The following LDLRAD4 variants were observed in gnomAD, a reference collection of about 807,000 sequenced individuals.
LDLRAD4 encodes low density lipoprotein receptor class A domain containing 4, also known as low-density lipoprotein receptor class A domain-containing protein 4.
LDLRAD4 carries 5 observed loss-of-function variants against 17.0 expected under a neutral mutation model. That is an observed-to-expected ratio of 0.29 (90% CI 0.15 to 0.62). LDLRAD4 has a LOEUF of 0.62. Among genes scored for constraint, LDLRAD4 ranks in the 20% least tolerant of loss-of-function variants. LDLRAD4 has a pLI of 0.84. For missense variants in LDLRAD4, 340 were observed against 424.7 expected (o/e 0.80, Z 1.75); for synonymous variants, 168 against 171.8 (o/e 0.98, Z 0.17).
In LDLRAD4 at chr18:13,532,611, C is replaced by A. The variant is rs115841018; in HGVS notation, c.182-88506C>A. On this transcript the variant is annotated intron_variant, in intron 3 of 5. Transcript: ENST00000359446. Reference sequence around the variant, plus strand: ...TTAAACAACTGGGCAGCTAGATGACCTCAGTAACCAGTCTCGTCTCAGCCC... The same window carrying A: ...TTAAACAACTGGGCAGCTAGATGACATCAGTAACCAGTCTCGTCTCAGCCC... Among the ~76,000 whole-genome samples the A allele has an allele frequency of 7.5e-3, 1,146 of 152,292 alleles. 19 individuals carry two copies. The highest frequency in any genetic ancestry group is 0.026 in the African/African-American group (1,083 of 41,544).
chr18:13,226,390 G>T (rs1274387084), intron 1 of LDLRAD4, among the ~76,000 whole-genome samples: 1 of 151,492 alleles, frequency 6.6e-6, no homozygotes, highest in African/African-American at 2.4e-5. Context: ...GACTTTTAAG[G>T]GTCCTCCAAA....
rs2040770428 is a variant in LDLRAD4, at chr18:13,622,758, A to C, written c.336+1487A>C. ...GAGGACAGGGAGAAAATCTCATCAC[A>C]GCAGCAGTTTCAGAACCGCAGAAGG... On this transcript the variant is annotated intron_variant, in intron 4 of 5. Coordinates refer to ENST00000359446, the Ensembl canonical transcript of LDLRAD4. This position sits in a 1 kb window ranked among gnomAD's most constrained non-coding sequence, Gnocchi z 5.3. 6.6e-6 allele frequency among the ~76,000 whole-genome samples: 1 copy of C among 152,230 alleles called. No individual in the cohort carries two copies. The highest frequency in any genetic ancestry group is 1.5e-5 in the Non-Finnish European group (1 of 68,028).
intron 3 of LDLRAD4, among the ~76,000 whole-genome samples, chr18:13,455,683 A>T (rs916002661): frequency 2.0e-5 from 3 of 152,122 alleles, no homozygotes; most frequent in African/African-American, 7.2e-5. Context: ...AGAGCTGTGC[A>T]TCTGGCTTCC....
chr18:13,554,617 T>G (rs1442038753), intron 3 of LDLRAD4, among the ~76,000 whole-genome samples: 1 of 152,212 alleles, frequency 6.6e-6, no homozygotes, highest in African/African-American at 2.4e-5. Flanking sequence ...ATCTTCACAA[T>G]TTTTTGCTAC....
At chr18:13,280,363 A>G (rs910968317) in intron 1 of LDLRAD4, among the ~76,000 whole-genome samples, 1 of 152,218 alleles carries the variant, frequency 6.6e-6, no homozygotes, top group Non-Finnish European at 1.5e-5. Flanking sequence ...ATCTCATGGA[A>G]TTACTTTGAA....
At chr18:13,425,896 A>T (rs1415680296) in intron 2 of LDLRAD4, 2 of 152,634 alleles carry the variant, frequency 1.3e-5, no homozygotes, top group African/African-American at 4.8e-5. Flanking sequence ...TGGGGACAGA[A>T]GGGAGGCTGG....
chr18:13,610,057 A>G (rs1019877147), intron 3 of LDLRAD4, among the ~76,000 whole-genome samples: 1 of 152,190 alleles, frequency 6.6e-6, no homozygotes, highest in Non-Finnish European at 1.5e-5. Context: ...AGCCAAACAC[A>G]GTAAGTGTGT....
chr18:13,254,992 ATTC>A (rs2043425458), intron 1 of LDLRAD4, among the ~76,000 whole-genome samples: 1 of 152,206 alleles, frequency 6.6e-6, no homozygotes, highest in Non-Finnish European at 1.5e-5. Context: ...GAAAAACCCA[ATTC>A]TTCTTGTTTA....
intron 3 of LDLRAD4, among the ~76,000 whole-genome samples, chr18:13,552,840 C>T (rs777013309): frequency 3.9e-5 from 6 of 152,132 alleles, no homozygotes; most frequent in Non-Finnish European, 8.8e-5. Flanking sequence ...TAGGGATCTC[C>T]TTTGCCTGGC....
intron 2 of LDLRAD4, chr18:13,420,125 CA>C (rs1158783477): frequency 6.6e-6 from 1 of 152,212 alleles, no homozygotes; most frequent in African/African-American, 2.4e-5. Context: ...TTCACATCTC[CA>C]TTTTTCACAA....
chr18:13,445,943 A>G (rs1001715973), intron 3 of LDLRAD4, among the ~76,000 whole-genome samples: 2 of 152,118 alleles, frequency 1.3e-5, no homozygotes, highest in African/African-American at 4.8e-5. Flanking sequence ...CGATTTTCTC[A>G]TTTATAAAAT....
chr18:13,600,799 A>T (rs553305528), intron 3 of LDLRAD4, among the ~76,000 whole-genome samples: 3 of 152,330 alleles, frequency 2.0e-5, no homozygotes, highest in Admixed American at 6.5e-5. Flanking sequence ...AAATTTTTTT[A>T]AAATTACTTT....
intron 3 of LDLRAD4, among the ~76,000 whole-genome samples, chr18:13,505,843 CA>C (rs71366058): frequency 0.072 from 10,891 of 151,878 alleles, 626 homozygotes; most frequent in African/African-American, 0.16. Context: ...AAAACAAAAA[CA>C]AAACACTAGC....
intron 1 of LDLRAD4, among the ~76,000 whole-genome samples, chr18:13,226,104 G>A (rs750764674): frequency 1.0e-4 from 15 of 146,280 alleles, no homozygotes; most frequent in South Asian, 2.2e-4. Flanking sequence ...CATTGCAACC[G>A]CCATTTCTCA....
chr18:13,372,174 G>C (rs765115931), intron 1 of LDLRAD4, among the ~76,000 whole-genome samples: 2 of 152,252 alleles, frequency 1.3e-5, no homozygotes, highest in African/African-American at 4.8e-5. Flanking sequence ...CCCTTGCCAG[G>C]CATGCCATCA....
At chr18:13,473,263 G>A (rs1257625281) in intron 3 of LDLRAD4, among the ~76,000 whole-genome samples, 1 of 152,166 alleles carries the variant, frequency 6.6e-6, no homozygotes, top group Non-Finnish European at 1.5e-5. Flanking sequence ...GAAAGAGCAC[G>A]TGGCCTGGAT....
intron 1 of LDLRAD4, among the ~76,000 whole-genome samples, chr18:13,370,718 T>TTTTTTTTGTTTGTTTG: frequency 7.0e-6 from 1 of 143,240 alleles, no homozygotes; most frequent in African/African-American, 2.7e-5. Flanking sequence ...GTTTTGTTTT[T>TTTTTTTTGTTTGTTTG]TTTTTTTTTT....
chr18:13,383,560 G>A (rs1343643890), intron 1 of LDLRAD4, among the ~76,000 whole-genome samples: 2 of 152,228 alleles, frequency 1.3e-5, no homozygotes, highest in African/African-American at 4.8e-5. Context: ...CGGCCGGCAA[G>A]CAGCGTTTGT....
At chr18:13,419,021 G>A (rs1326419945) in intron 2 of LDLRAD4, among the ~76,000 whole-genome samples, 4 of 152,154 alleles carry the variant, frequency 2.6e-5, no homozygotes, top group East Asian at 1.9e-4. Context: ...GAAAACTTGC[G>A]GTGAGTGCTT....
Sources: gnomAD v4.1 joint callset for allele counts (sites outside exome capture counted in the v4.1 genomes callset) on GRCh38, gnomAD v4.1.1 for gene constraint, Gnocchi (gnomAD v3.1) non-coding constraint, MANE v1.5 for transcripts, NCBI Gene and HGNC (gene_info 2026-07-23, HGNC 2026-07-21) for gene names.